The following UBE4B variants were observed in gnomAD, a reference collection of about 807,000 sequenced individuals.
UBE4B encodes ubiquitination factor E4B, also known as ubiquitin conjugation factor E4 B.
In UBE4B, 27 loss-of-function variants were observed where a neutral mutation model predicts 148.1. The observed-to-expected ratio is 0.18, with a 90% CI of 0.13 to 0.25. UBE4B has a LOEUF of 0.25. Among genes scored for constraint, UBE4B ranks in the 10% least tolerant of loss-of-function variants. UBE4B has a pLI of 1.00. For missense variants in UBE4B, 1,170 were observed against 1,662.4 expected (o/e 0.70, Z 5.15); for synonymous variants, 596 against 619.3 (o/e 0.96, Z 0.56).
rs141201321 is a variant in UBE4B, at chr1:10,118,691, A to G, written c.1339-822A>G. ...GGCTAATTTTGTATTTTTAGTAGAG[A>G]TGGGGTTTCTCCATATTAGTCAGGC... On this transcript the variant is annotated intron_variant, in intron 8 of 27. Coordinates refer to ENST00000343090, the MANE Select transcript of UBE4B (RefSeq NM_001105562.3). 3.2e-4 allele frequency among the ~76,000 whole-genome samples: 48 copies of G among 150,732 alleles called. No homozygotes were observed. The East Asian group carries it at 8.9e-3, about 28-fold the overall frequency.
chr1:10,142,446 A>G (rs536484419), intron 17 of UBE4B, among the ~76,000 whole-genome samples: 2 of 152,276 alleles, frequency 1.3e-5, no homozygotes, highest in South Asian at 2.1e-4. Flanking sequence ...CGAGGTGGGC[A>G]GATCACATGA....
intron 1 of UBE4B, among the ~76,000 whole-genome samples, chr1:10,043,112 CA>C (rs1222667711): frequency 2.6e-5 from 4 of 151,454 alleles, no homozygotes; most frequent in African/African-American, 7.3e-5. Flanking sequence ...GGGGTTCAAG[CA>C]ATTCTCCTGT....
intron 1 of UBE4B, among the ~76,000 whole-genome samples, chr1:10,039,424 A>G (rs1643672448): frequency 2.0e-5 from 3 of 151,674 alleles, no homozygotes; most frequent in South Asian, 4.2e-4. Context: ...AGGAGTTTGA[A>G]CTTTCTTTTT....
In UBE4B at chr1:10,161,125, T is replaced by C; in HGVS notation, c.3054-17T>C. The C allele has an allele frequency of 3.1e-6, 5 of 1,613,468 alleles. No individual in the cohort carries two copies. Among genetic ancestry groups the C allele is most frequent in the Non-Finnish European group, 3.4e-6 (4 of 1,179,622 alleles). On this transcript the variant is annotated splice_polypyrimidine_tract_variant and intron_variant, in intron 22 of 27. Coordinates refer to ENST00000343090, the MANE Select transcript of UBE4B (RefSeq NM_001105562.3). The surrounding 1 kb of genome is among the most constrained non-coding windows in gnomAD (Gnocchi z 4.1). Reference sequence around the variant, plus strand: ...CAGGGAGATGTATGACCATGTACAATATAATTGCCTTTCCAGCTCCGGGAA... The same window carrying C: ...CAGGGAGATGTATGACCATGTACAACATAATTGCCTTTCCAGCTCCGGGAA...
In UBE4B at chr1:10,178,712, A is replaced by G. The variant is rs7546642; in HGVS notation, c.3594A>G (p.Thr1198=). ...TGCGGAAGGCAGGGATCAAATCCAC[A>G]ATAGCAATAGAAAAATTTAAGCTGC... ...SKMRKAGIKS[T]IAIEKFKLLA... is the part of the protein sequence containing the mutation. The change falls in exon 26 of 28, where the codon ACA becomes ACG. Residue 1198 remains threonine (T), a synonymous_variant. Transcript: ENST00000343090. 57,667 of 1,613,820 alleles carry G rather than the reference A, an allele frequency of 0.036. 2,008 individuals carry two copies. Among genetic ancestry groups the G allele is most frequent in the African/African-American group, 0.16 (12,270 of 74,948 alleles).
chr1:10,109,289 A>G (rs1645176338), intron 7 of UBE4B, among the ~76,000 whole-genome samples: 1 of 152,174 alleles, frequency 6.6e-6, no homozygotes. Context: ...ACTCATGTTC[A>G]CCACCGCACC....
chr1:10,144,696 C>T (rs972293634), intron 17 of UBE4B, among the ~76,000 whole-genome samples: 2 of 147,486 alleles, frequency 1.4e-5, no homozygotes, highest in Non-Finnish European at 3.0e-5. Context: ...GATTGCAGCA[C>T]TGCACTCCAG....
chr1:10,101,166 C>G lies in UBE4B; in HGVS notation c.406C>G (p.Arg136Gly). 6.2e-7 allele frequency: 1 copy of G among 1,614,062 alleles called. No individual in the cohort carries two copies. The highest frequency in any genetic ancestry group is 8.5e-7 in the Non-Finnish European group (1 of 1,180,006). Residue 136 changes from arginine to glycine, a missense_variant, in exon 4 of 28, where the codon CGA (arginine) becomes GGA (glycine). By Grantham distance (125) the Arg-to-Gly change is moderately radical. Transcript: ENST00000343090. ...IENMEVDEND[R>G]REKRSLSDKE... The stretch of plus-strand genomic sequence containing the variant: ...AAACATGGAGGTTGATGAAAATGAT[C>G]GAAGAGAAAAGCGGAGCCTCAGTGA...
At chr1:10,167,460 A>AATAATAAT (rs1646270815) in intron 23 of UBE4B, among the ~76,000 whole-genome samples, 2 of 150,152 alleles carry the variant, frequency 1.3e-5, no homozygotes, top group African/African-American at 4.9e-5. Context: ...TAATAATAAT[A>AATAATAAT]ATAATAATAA....
At chr1:10,175,480 T>C (rs1006097323) in intron 25 of UBE4B, among the ~76,000 whole-genome samples, 3 of 147,460 alleles carry the variant, frequency 2.0e-5, no homozygotes, top group South Asian at 2.1e-4. Context: ...TGAAACCCCA[T>C]CTCTACTAAA....
chr1:10,148,436 A>G (rs1444240551), intron 19 of UBE4B, among the ~76,000 whole-genome samples: 2 of 151,912 alleles, frequency 1.3e-5, no homozygotes. Context: ...GTTCGAGACC[A>G]TCCTGGCCAA....
chr1:10,105,984 A>G (rs1280482322), intron 6 of UBE4B, among the ~76,000 whole-genome samples: 1 of 152,160 alleles, frequency 6.6e-6, no homozygotes, highest in Non-Finnish European at 1.5e-5. Context: ...TGTGTATACT[A>G]CATCATTCTT....
At chr1:10,062,399 A>G (rs1263962321) in intron 1 of UBE4B, among the ~76,000 whole-genome samples, 2 of 150,740 alleles carry the variant, frequency 1.3e-5, no homozygotes, top group East Asian at 4.0e-4. Flanking sequence ...TGCAACCTTC[A>G]CCTCCTGGGT....
chr1:10,109,514 G>A (rs1208318905), intron 7 of UBE4B, among the ~76,000 whole-genome samples: 1 of 152,120 alleles, frequency 6.6e-6, no homozygotes, highest in African/African-American at 2.4e-5. Flanking sequence ...GATTTTGGCA[G>A]CTTATAGGTT....
At chr1:10,058,593 G>C (rs1362878987) in intron 1 of UBE4B, 1 of 152,724 alleles carries the variant, frequency 6.5e-6, no homozygotes, top group Non-Finnish European at 1.5e-5. Flanking sequence ...TGCACTGGGA[G>C]CCAGGCAGTG....
intron 2 of UBE4B, among the ~76,000 whole-genome samples, chr1:10,086,846 C>A (rs548423135): frequency 7.8e-4 from 119 of 152,246 alleles, no homozygotes; most frequent in Middle Eastern, 3.4e-3. Flanking sequence ...TGTGCCACCA[C>A]GCCCGGCTAA....
intron 2 of UBE4B, among the ~76,000 whole-genome samples, chr1:10,091,697 C>G (rs1644850896): frequency 6.6e-6 from 1 of 152,148 alleles, no homozygotes; most frequent in African/African-American, 2.4e-5. Flanking sequence ...CTTCCACCAC[C>G]TGGGTTCAAA....
chr1:10,061,912 C>CTTTTTTTTTT (rs767477329), intron 1 of UBE4B, among the ~76,000 whole-genome samples: 3 of 138,278 alleles, frequency 2.2e-5, no homozygotes. Context: ...CTTCTTTTTT[C>CTTTTTTTTTT]TTTTTTTTTT....
intron 1 of UBE4B, among the ~76,000 whole-genome samples, chr1:10,049,957 T>C (rs1339745925): frequency 1.3e-5 from 2 of 152,194 alleles, no homozygotes; most frequent in Non-Finnish European, 2.9e-5. Context: ...ATTTACTTCT[T>C]ACTCTGGGCA....
Sources: gnomAD v4.1 joint callset for allele counts (sites outside exome capture counted in the v4.1 genomes callset) on GRCh38, gnomAD v4.1.1 for gene constraint, Gnocchi (gnomAD v3.1) non-coding constraint, MANE v1.5 for transcripts, NCBI Gene and HGNC (gene_info 2026-07-23, HGNC 2026-07-21) for gene names.